Variants in CSNK1G2 observed in about 807,000 individuals in gnomAD.
The protein encoded by CSNK1G2 is casein kinase I isoform gamma-2.
A neutral mutation model predicts 48.0 loss-of-function variants in CSNK1G2; 11 were observed. The observed-to-expected ratio is 0.23, with a 90% CI of 0.14 to 0.38. CSNK1G2 has a LOEUF of 0.38. Among genes scored for constraint, CSNK1G2 ranks in the 10% least tolerant of loss-of-function variants. The pLI is 1.00. For missense variants in CSNK1G2, 446 were observed against 595.5 expected (o/e 0.75, Z 2.61); for synonymous variants, 337 against 254.1 (o/e 1.33, Z -3.10).
chr19:1,976,130 C>T (rs2015745336), intron 2 of CSNK1G2: 2 of 1,285,638 alleles, frequency 1.6e-6, no homozygotes, highest in Non-Finnish European at 2.0e-6. Context: ...GTTCTGGGGC[C>T]TCGGCAATGA....
intron 1 of CSNK1G2, chr19:1,952,917 C>T (rs376946152): frequency 8.4e-5 from 38 of 450,650 alleles, no homozygotes; most frequent in Middle Eastern, 6.9e-4. Flanking sequence ...TGACTGCCTT[C>T]GAGTGGAGGG....
intron 2 of CSNK1G2, chr19:1,975,733 A>G (rs2015730473): frequency 1.5e-5 from 15 of 984,784 alleles, no homozygotes; most frequent in Non-Finnish European, 1.6e-5. Context: ...CAGTGTCCTG[A>G]GCTCTAAAAC....
chr19:1,971,477 G>A (rs566512543), intron 2 of CSNK1G2, among the ~76,000 whole-genome samples: 21 of 152,244 alleles, frequency 1.4e-4, no homozygotes, highest in Non-Finnish European at 2.6e-4. Flanking sequence ...GTGTGTGCAC[G>A]CTCAGACACA....
intron 1 of CSNK1G2, among the ~76,000 whole-genome samples, chr19:1,964,947 C>T (rs573836228): frequency 2.1e-3 from 322 of 150,980 alleles, no homozygotes; most frequent in African/African-American, 7.2e-3. Flanking sequence ...AGGATGGTCT[C>T]GATCTCCTGA....
At chr19:1,971,027 C>T (rs1017486601) in intron 2 of CSNK1G2, among the ~76,000 whole-genome samples, 1 of 152,210 alleles carries the variant, frequency 6.6e-6, no homozygotes, top group Non-Finnish European at 1.5e-5. Context: ...CTGTGGCGGC[C>T]TGGACCCCAG....
intron 1 of CSNK1G2, chr19:1,952,634 A>T (rs1362479942): frequency 1.8e-5 from 3 of 162,796 alleles, no homozygotes; most frequent in African/African-American, 7.2e-5. Context: ...GATTAAAAAA[A>T]CCCGATCCTT....
intron 1 of CSNK1G2, among the ~76,000 whole-genome samples, chr19:1,950,380 C>T (rs2014721040): frequency 6.8e-6 from 1 of 146,808 alleles, no homozygotes; most frequent in African/African-American, 2.6e-5. Context: ...ACCTCGTGAT[C>T]CGCCCTCCTC....
intron 1 of CSNK1G2, among the ~76,000 whole-genome samples, chr19:1,944,517 C>T (rs746874533): frequency 7.2e-5 from 11 of 152,314 alleles, no homozygotes; most frequent in African/African-American, 1.2e-4. Context: ...GGTCACCCGC[C>T]GTGCCAGTGG....
intron 1 of CSNK1G2, among the ~76,000 whole-genome samples, chr19:1,947,537 G>T (rs1297796477): frequency 1.3e-5 from 2 of 152,242 alleles, no homozygotes; most frequent in African/African-American, 4.8e-5. Context: ...TCCCAGGACG[G>T]GAGCCTGAGG....
At chr19:1,959,637 C>T (rs1174548339) in intron 1 of CSNK1G2, among the ~76,000 whole-genome samples, 3 of 131,984 alleles carry the variant, frequency 2.3e-5, no homozygotes, top group Non-Finnish European at 4.6e-5. Flanking sequence ...CCTTTAGTGC[C>T]ACCGTGGGTC....
intron 2 of CSNK1G2, among the ~76,000 whole-genome samples, chr19:1,974,072 G>C (rs182554431): frequency 6.6e-6 from 1 of 152,162 alleles, no homozygotes; most frequent in Admixed American, 6.5e-5. Context: ...ATTTTCAGTA[G>C]AGACAGGGTT....
rs770275176 is a variant in CSNK1G2, at chr19:1,979,015, A to G, written c.604A>G (p.Lys202Glu). The G allele has an allele frequency of 6.3e-7, 1 of 1,598,084 alleles. No homozygotes were observed. Among genetic ancestry groups the G allele is most frequent in the Non-Finnish European group, 8.5e-7 (1 of 1,179,416 alleles). ...GGAGTACATCGACCCCGAGACCAAGAAGCACATCCCGTACCGCGAGCACAA... is the reference window on the plus strand; with the variant it reads ...GGAGTACATCGACCCCGAGACCAAGGAGCACATCCCGTACCGCGAGCACAA... ...AKEYIDPETK[K>E]HIPYREHKSL... Residue 202 changes from lysine (K) to glutamate (E), a missense_variant, in exon 6 of 12, where the codon AAG becomes GAG. Physicochemically the swap from Lys to Glu is moderately conservative, Grantham distance 56. Coordinates refer to ENST00000255641, the MANE Select transcript of CSNK1G2 (RefSeq NM_001319.7).
intron 1 of CSNK1G2, among the ~76,000 whole-genome samples, chr19:1,955,637 G>A (rs1599295598): frequency 1.3e-5 from 2 of 151,910 alleles, no homozygotes; most frequent in Middle Eastern, 3.4e-3. Flanking sequence ...CCCTCCCTCT[G>A]CTGTCCGCCC....
chr19:1,942,206 G>A (rs1426058069), intron 1 of CSNK1G2, among the ~76,000 whole-genome samples: 1 of 152,194 alleles, frequency 6.6e-6, no homozygotes, highest in Non-Finnish European at 1.5e-5. Flanking sequence ...GAGGGAGGGT[G>A]AGATGTCTGA....
chr19:1,980,553 C>A lies in CSNK1G2; in HGVS notation c.*350C>A, dbSNP rs1047093735. On this transcript the variant is annotated 3_prime_UTR_variant, in exon 12 of 12. Transcript: ENST00000255641. ...GAAGTGAGTAGTGTGATCCTGGAGG[C>A]CCCCCGGCCTGGCCCCGCCCCGCCA... The A allele has an allele frequency of 4.1e-5, 13 of 314,062 alleles. No individual in the cohort carries two copies. Among genetic ancestry groups the A allele is most frequent in the East Asian group, 8.1e-5 (1 of 12,272 alleles). 19.5% of individuals were successfully genotyped at this position (314,062 alleles called of 1,614,324 possible). A position where few individuals can be genotyped will look rare whatever the true frequency, so the allele number is the denominator to read the frequency against.
intron 1 of CSNK1G2, among the ~76,000 whole-genome samples, chr19:1,944,227 A>G (rs1190695709): frequency 6.6e-6 from 1 of 151,934 alleles, no homozygotes; most frequent in African/African-American, 2.4e-5. Flanking sequence ...CAGATCTGCA[A>G]ATGCTCCGCC....
chr19:1,950,602 A>G (rs1166034236), intron 1 of CSNK1G2, among the ~76,000 whole-genome samples: 1 of 145,958 alleles, frequency 6.9e-6, no homozygotes, highest in Non-Finnish European at 1.5e-5. Flanking sequence ...GGGAGACAGG[A>G]GGGGGTGCAC....
Position 1,980,357 on chromosome 19 carries a change from GC to G in CSNK1G2, c.*158del. The G allele has an allele frequency of 2.2e-6, 2 of 911,700 alleles. No individual in the cohort carries two copies. Among genetic ancestry groups the G allele is most frequent in the South Asian group, 1.4e-5 (1 of 69,290 alleles). The allele number at this position is 911,700 out of a possible 1,614,324, so 56.5% of individuals were successfully genotyped here. ...GCAGGGGCCGCGCCTGGCTCAGGCG[GC>G]CCCACCCCCGGGACGTGGGGTCACT... On this transcript the variant is annotated 3_prime_UTR_variant, in exon 12 of 12. Transcript: ENST00000255641.
At chr19:1,947,431 A>G (rs1409121632) in intron 1 of CSNK1G2, among the ~76,000 whole-genome samples, 1 of 152,264 alleles carries the variant, frequency 6.6e-6, no homozygotes, top group Non-Finnish European at 1.5e-5. Context: ...GCGAGGGCTC[A>G]TCCTGTCCGC....
Sources: gnomAD v4.1 joint callset for allele counts (sites outside exome capture counted in the v4.1 genomes callset) on GRCh38, gnomAD v4.1.1 for gene constraint, MANE v1.5 for transcripts, NCBI Gene and HGNC (gene_info 2026-07-23, HGNC 2026-07-21) for gene names.